SLC29A1: variants seen among roughly 807,000 people sequenced by gnomAD.
The protein encoded by SLC29A1 is equilibrative nucleoside transporter 1.
SLC29A1 carries 22 observed loss-of-function variants against 48.3 expected under a neutral mutation model. The ratio of observed to expected loss-of-function variants is 0.46; its 90% confidence interval spans 0.33 to 0.65. The LOEUF is 0.65. Ranked by LOEUF, SLC29A1 falls within the 30% of genes least tolerant of loss-of-function variation. The pLI is 0.03. For missense variants in SLC29A1, 491 were observed against 575.3 expected, an observed-to-expected ratio of 0.85 and a Z score of 1.50; for synonymous variants, 228 against 231.0, an observed-to-expected ratio of 0.99 and a Z score of 0.12.
At chr6:44,227,444 C>A in intron 2 of SLC29A1, 102 bp downstream of exon 2, 1 of 1,023,140 alleles carries the variant, frequency 9.8e-7, no homozygotes, top group Non-Finnish European at 1.5e-6. Flanking sequence ...GGCTGGCCTT[C>A]CAGCCAGGTA....
chr6:44,231,974 G>T (rs779056157), intron 9 of SLC29A1, 24 bp from the exon 10 acceptor site: 11 of 1,543,184 alleles, frequency 7.1e-6, no homozygotes, highest in Admixed American at 1.7e-5. Flanking sequence ...CAGGCATTTG[G>T]GTGACTCTAC....
rs774125228 is a variant in SLC29A1, at chr6:44,230,411, G to A, written c.519G>A (p.Thr173=). The change falls in exon 6 of 13, where the codon ACG becomes ACA. Residue 173 remains threonine (T), a synonymous_variant. Coordinates refer to ENST00000371755, the MANE Select transcript of SLC29A1 (RefSeq NM_001372327.1). ...CTGGCCTTCTGCCTGCCAGCTACAC[G>A]GCCCCCATCATGAGTGGCCAGGGCC... ...GLAGLLPASY[T]APIMSGQGLA... is the part of the protein sequence containing the mutation. The A allele has an allele frequency of 8.1e-6, 13 of 1,613,988 alleles. No individual in the cohort carries two copies. Among genetic ancestry groups the A allele is most frequent in the South Asian group, 5.5e-5 (5 of 91,092 alleles).
At chr6:44,221,132 C>G (rs549124621), upstream of SLC29A1, among the ~76,000 whole-genome samples, 63 of 152,284 alleles carry the variant, frequency 4.1e-4, no homozygotes, top group South Asian at 1.0e-3. This position sits in a 1 kb window ranked among gnomAD's most constrained non-coding sequence, Gnocchi z 4.2. Context: ...GATCCTCCCA[C>G]CTCGGCCTCC....
chr6:44,223,619 C>T lies in SLC29A1; in HGVS notation c.-74C>T, dbSNP rs1181983753. Reference sequence around the variant, plus strand: ...CAGCGAGAGCGCGCGGATCTCAGCGCGGGAGCAGTGCTTCTGCGGCAGGTG... The same window carrying T: ...CAGCGAGAGCGCGCGGATCTCAGCGTGGGAGCAGTGCTTCTGCGGCAGGTG... On this transcript the variant is annotated 5_prime_UTR_variant, in exon 1 of 13. Transcript: ENST00000371755. This position sits in a 1 kb window ranked among gnomAD's most constrained non-coding sequence, Gnocchi z 5.0. The T allele has an allele frequency of 3.3e-6, 4 of 1,213,154 alleles. No individual in the cohort carries two copies. Among genetic ancestry groups the T allele is most frequent in the Non-Finnish European group, 4.2e-6 (4 of 951,142 alleles). The allele number at this position is 1,213,154 out of a possible 1,614,324, so 75.1% of individuals were successfully genotyped here.
At chr6:44,224,046 AGGCTCGCGAGCGGAGGTGCG>A in intron 1 of SLC29A1, 1 of 30,726 alleles carries the variant, frequency 3.3e-5, no homozygotes, top group Non-Finnish European at 3.9e-5. Flanking sequence ...GCGGAGGTGC[AGGCTCGCGAGCGGAGGTGCG>A]GGGCTGTCTC....
rs368558109 is a variant in SLC29A1 at position 44,232,758 on chromosome 6, T to A, written c.1060-49T>A. ...CCAGATGGATCCTTGGGGGCCTGGC[T>A]GTGCCCTGGGGTGGCGGCCTGGGCT... On this transcript the variant is annotated intron_variant, in intron 11 of 12. Coordinates refer to ENST00000371755, the MANE Select transcript of SLC29A1 (RefSeq NM_001372327.1). This position sits in a 1 kb window ranked among gnomAD's most constrained non-coding sequence, Gnocchi z 4.7. 1.3e-6 allele frequency: 2 copies of A among 1,574,844 alleles called. No individual in the cohort carries two copies. The highest frequency in any genetic ancestry group is 1.7e-6 in the Non-Finnish European group (2 of 1,157,294).
intron 12 of SLC29A1, 41 bp from the exon 13 acceptor site, chr6:44,233,376 C>A: frequency 6.6e-7 from 1 of 1,524,302 alleles, no homozygotes; most frequent in Non-Finnish European, 9.1e-7. Context: ...GGCTGGGGTA[C>A]AGCCATTCTG....
chr6:44,233,501 C>G lies in SLC29A1; in HGVS notation c.1344C>G (p.Phe448Leu), dbSNP rs375753872. The change falls in exon 13 of 13, where the codon TTC becomes TTG. Residue 448 changes from phenylalanine to leucine, a missense_variant. Coordinates refer to ENST00000371755, the MANE Select transcript of SLC29A1 (RefSeq NM_001372327.1). ...TGGGTCTGGCACTGGGGGCTGTTTT[C>G]TCCTTCCTGTTCCGGGCAATTGTGT... ...LCLGLALGAV[F>L]SFLFRAIV 76 of 1,613,926 alleles carry G rather than the reference C, an allele frequency of 4.7e-5. No individual in the cohort carries two copies. The highest frequency in any genetic ancestry group is 5.9e-5 in the Non-Finnish European group (70 of 1,179,924).
chr6:44,232,700 G>A lies in SLC29A1; in HGVS notation c.1060-107G>A. The A allele has an allele frequency of 9.7e-7, 1 of 1,032,026 alleles. No homozygotes were observed. The highest frequency in any genetic ancestry group is 2.0e-5 in the Admixed American group (1 of 50,292). 63.9% of individuals were successfully genotyped at this position (1,032,026 alleles called of 1,614,324 possible). On this transcript the variant is annotated intron_variant, in intron 11 of 12. Coordinates refer to ENST00000371755, the MANE Select transcript of SLC29A1 (RefSeq NM_001372327.1). The surrounding 1 kb of genome is among the most constrained non-coding windows in gnomAD (Gnocchi z 4.7). ...AGAGTAACCCCCTAAGGAGAACCAG[G>A]CTTTGAGGTTTCAGTTCAGATCCTG...
chr6:44,226,214 A>C, intron 1 of SLC29A1: 1 of 663,228 alleles, frequency 1.5e-6, no homozygotes, highest in Non-Finnish European at 1.9e-6. Context: ...TTTCACCCCA[A>C]ACAGCAAGGC....
At position 44,233,786 on chromosome 6, in the gene SLC29A1, C is replaced by T; in HGVS notation, c.*258C>T. 1 of 520,904 alleles carries T rather than the reference C, an allele frequency of 1.9e-6. No homozygotes were observed. The highest frequency in any genetic ancestry group is 3.5e-6 in the Non-Finnish European group (1 of 288,806). The allele number at this position is 520,904 out of a possible 1,614,324, so 32.3% of individuals were successfully genotyped here. ...TTTGCTTGAGTTTCTCCACTCTTGG[C>T]TCTGACTGATCCCTGCTTGTGCAGG... On this transcript the variant is annotated 3_prime_UTR_variant, in exon 13 of 13. Transcript: ENST00000371755.
chr6:44,232,510 G>T lies in SLC29A1; in HGVS notation c.1059+82G>T. On this transcript the variant is annotated intron_variant, in intron 11 of 12. Transcript: ENST00000371755. This position sits in a 1 kb window ranked among gnomAD's most constrained non-coding sequence, Gnocchi z 4.7. ...CCAGAGAGGGAACCCAAGAAAGTAT[G>T]GTAGTAAGGGGACCATTTGTTTTAA... 1.1e-6 allele frequency: 1 copy of T among 878,706 alleles called. No individual in the cohort carries two copies. The highest frequency in any genetic ancestry group is 1.4e-5 in the South Asian group (1 of 69,834). The allele number at this position is 878,706 out of a possible 1,614,324, so 54.4% of individuals were successfully genotyped here.
intron 2 of SLC29A1, among the ~76,000 whole-genome samples, chr6:44,227,918 G>T (rs1276989638): frequency 6.6e-6 from 1 of 152,176 alleles, no homozygotes; most frequent in Non-Finnish European, 1.5e-5. Context: ...AAAGCGTCAG[G>T]CTCTGTCCTG....
At position 44,232,413 on chromosome 6, in the gene SLC29A1, A is replaced by C. The variant is rs1779105270; in HGVS notation, c.1044A>C (p.Thr348=). 6.2e-7 allele frequency: 1 copy of C among 1,612,242 alleles called. No individual in the cohort carries two copies. Among genetic ancestry groups the C allele is most frequent in the South Asian group, 1.1e-5 (1 of 91,034 alleles). ...TTGACTGGTTGGGCCGGAGCCTCACAGCTGTATTCATGTGGGTAAGTGGAG... is the reference window on the plus strand; with the variant it reads ...TTGACTGGTTGGGCCGGAGCCTCACCGCTGTATTCATGTGGGTAAGTGGAG... ...NIFDWLGRSL[T]AVFMWPGKDS... The change falls in exon 11 of 13, where the codon ACA becomes ACC. Residue 348 remains threonine (T), a synonymous_variant. Coordinates refer to ENST00000371755, the MANE Select transcript of SLC29A1 (RefSeq NM_001372327.1). This position sits in a 1 kb window ranked among gnomAD's most constrained non-coding sequence, Gnocchi z 4.7.
chr6:44,220,563 C>T (rs1229984446), upstream of SLC29A1, among the ~76,000 whole-genome samples: 6 of 151,544 alleles, frequency 4.0e-5, no homozygotes, highest in African/African-American at 1.5e-4. Context: ...GCCTGTCATC[C>T]CAGTGCTTTG....
chr6:44,230,821 GCTA>G lies in SLC29A1; in HGVS notation c.703_705del (p.Tyr235del). ...TCCCTTACTTGATAGGAATTCTACC[GCTA>G]CTACCAGCAGCTCAAGCTTGAAGGA... is the stretch of plus-strand genomic sequence containing the variant. On this transcript the variant is annotated inframe_deletion, in exon 8 of 13. Transcript: ENST00000371755. 6.2e-7 allele frequency: 1 copy of G among 1,613,872 alleles called. No homozygotes were observed. The highest frequency in any genetic ancestry group is 8.5e-7 in the Non-Finnish European group (1 of 1,179,814).
chr6:44,220,611 G>C (rs1205104752), upstream of SLC29A1, among the ~76,000 whole-genome samples: 2 of 149,208 alleles, frequency 1.3e-5, no homozygotes, highest in African/African-American at 2.5e-5. Context: ...TCAGGAGTTC[G>C]AGACCAGCCT....
upstream of SLC29A1, chr6:44,219,638 A>G (rs1000490285): frequency 1.3e-5 from 15 of 1,189,394 alleles, no homozygotes; most frequent in African/African-American, 3.2e-5. Context: ...GGCGGCCCAC[A>G]CCGGTCAGGC....
chr6:44,228,875 G>A (rs917735312), intron 2 of SLC29A1, among the ~76,000 whole-genome samples: 1 of 152,208 alleles, frequency 6.6e-6, no homozygotes, highest in Non-Finnish European at 1.5e-5. Flanking sequence ...GCGGCCCTGA[G>A]GCACCCTGCC....
Sources: allele counts gnomAD v4.1 joint callset (sites outside exome capture counted in the v4.1 genomes callset), GRCh38; gene constraint gnomAD v4.1.1; non-coding constraint Gnocchi (gnomAD v3.1); transcripts MANE v1.5; gene names NCBI Gene and HGNC (gene_info 2026-07-23, HGNC 2026-07-21).